Variants in TMEM232 observed in about 807,000 individuals in gnomAD.
TMEM232 encodes transmembrane protein 232.
In TMEM232, 80 loss-of-function variants were observed where a neutral mutation model predicts 78.8. That is an observed-to-expected ratio of 1.01 (90% confidence interval 0.85 to 1.22). The LOEUF (loss-of-function observed/expected upper bound fraction) is 1.22, where lower values mean the gene tolerates loss of function less well. Among genes scored for constraint, TMEM232 ranks in the 50% most tolerant of loss-of-function variants. The probability of loss-of-function intolerance (pLI) is 0.00; values close to 1 mark genes in which losing one functional copy is unlikely to be tolerated. For missense variants in TMEM232, 881 were observed against 742.2 expected, an observed-to-expected ratio of 1.19 and a Z score of -2.17; for synonymous variants, 297 against 254.3, an observed-to-expected ratio of 1.17 and a Z score of -1.60.
chr5:110,580,284 A>G (rs1015760267), intron 10 of TMEM232, among the ~76,000 whole-genome samples: 3 of 151,712 alleles, frequency 2.0e-5, no homozygotes, highest in African/African-American at 7.2e-5. Flanking sequence ...TAGCTGTTGT[A>G]ATGTTGTAGT....
chr5:110,508,059 A>G (rs149975192), intron 12 of TMEM232, among the ~76,000 whole-genome samples: 186 of 152,240 alleles, frequency 1.2e-3, no homozygotes, highest in African/African-American at 4.2e-3. Context: ...GTTTAGTAAA[A>G]TTTCCACGCT....
chr5:110,602,915 G>C (rs1033348836), intron 10 of TMEM232, among the ~76,000 whole-genome samples: 8 of 152,136 alleles, frequency 5.3e-5, no homozygotes, highest in Non-Finnish European at 1.0e-4. Flanking sequence ...TAATTGACTG[G>C]ATAAAGAAAA....
intron 11 of TMEM232, among the ~76,000 whole-genome samples, chr5:110,559,423 A>C (rs747129978): frequency 6.6e-6 from 1 of 152,174 alleles, no homozygotes; most frequent in African/African-American, 2.4e-5. Context: ...AGTAGAAGAA[A>C]ATATTTTAAA....
chr5:110,490,127 AAG>A (rs774797740), intron 12 of TMEM232, among the ~76,000 whole-genome samples: 139 of 72,118 alleles, frequency 1.9e-3, no homozygotes, highest in Middle Eastern at 6.3e-3. Flanking sequence ...TTCAAAAAGA[AAG>A]AAAGAAAGAA....
upstream of TMEM232, chr5:110,738,755 T>C: frequency 3.3e-6 from 1 of 301,456 alleles, no homozygotes; most frequent in Non-Finnish European, 6.1e-6. Context: ...ATCGGCTCCC[T>C]CCAAGAAGCA....
intron 10 of TMEM232, among the ~76,000 whole-genome samples, chr5:110,576,537 A>C (rs1649679389): frequency 3.3e-5 from 5 of 152,002 alleles, no homozygotes; most frequent in Admixed American, 6.6e-5. Context: ...AATACTGAAA[A>C]TCTATATGGA....
chr5:110,662,617 T>C (rs1308584591), intron 2 of TMEM232, among the ~76,000 whole-genome samples: 1 of 152,118 alleles, frequency 6.6e-6, no homozygotes, highest in Non-Finnish European at 1.5e-5. Flanking sequence ...TAAGGCAGTG[T>C]GGCGTTGGTG....
exon 5 of TMEM232, chr5:110,387,818 A>G (rs1297197987): frequency 1.3e-5 from 2 of 152,070 alleles, no homozygotes; most frequent in African/African-American, 4.8e-5. Context: ...TGTCCTTTTC[A>G]CGTTCTTTGT....
At chr5:110,655,822 T>C (rs963525270) in intron 2 of TMEM232, among the ~76,000 whole-genome samples, 3 of 147,052 alleles carry the variant, frequency 2.0e-5, no homozygotes, top group Admixed American at 7.0e-5. Context: ...AACCAAACAC[T>C]GCATGTTCTC....
At chr5:110,488,575 G>A (rs1393326526) in intron 12 of TMEM232, among the ~76,000 whole-genome samples, 1 of 151,950 alleles carries the variant, frequency 6.6e-6, no homozygotes, top group Non-Finnish European at 1.5e-5. Flanking sequence ...GTTTTTATTT[G>A]CTAACCCTTG....
intron 1 of TMEM232, among the ~76,000 whole-genome samples, chr5:110,691,988 T>A (rs1425427118): frequency 1.3e-5 from 2 of 152,134 alleles, no homozygotes; most frequent in Non-Finnish European, 2.9e-5. Flanking sequence ...TGGCGTGATC[T>A]CGGCTCACTG....
intron 12 of TMEM232, among the ~76,000 whole-genome samples, chr5:110,445,688 C>T (rs187566950): frequency 1.9e-3 from 286 of 152,264 alleles, no homozygotes; most frequent in Non-Finnish European, 3.0e-3. Flanking sequence ...TCAGAGGCTT[C>T]GGACACATCA....
At chr5:110,475,858 C>G (rs188064968) in intron 12 of TMEM232, among the ~76,000 whole-genome samples, 8 of 152,056 alleles carry the variant, frequency 5.3e-5, no homozygotes, top group Non-Finnish European at 1.2e-4. Flanking sequence ...GAGGTTCACA[C>G]AGGGCCGGAA....
At chr5:110,547,433 C>T (rs1014648226) in intron 11 of TMEM232, among the ~76,000 whole-genome samples, 5 of 152,088 alleles carry the variant, frequency 3.3e-5, no homozygotes, top group African/African-American at 1.2e-4. Context: ...TCACTTTAGC[C>T]TTTTGAATAA....
chr5:110,447,823 T>C (rs1370495553), intron 12 of TMEM232, among the ~76,000 whole-genome samples: 1 of 152,028 alleles, frequency 6.6e-6, no homozygotes. Context: ...AAATCAGTGA[T>C]ATGGATTGCC....
intron 12 of TMEM232, among the ~76,000 whole-genome samples, chr5:110,433,305 A>G (rs1029525768): frequency 1.3e-5 from 2 of 151,824 alleles, no homozygotes; most frequent in African/African-American, 2.4e-5. Context: ...GAATAAAAAT[A>G]TAAGTCAATA....
intron 12 of TMEM232, among the ~76,000 whole-genome samples, chr5:110,448,020 A>G (rs1169464293): frequency 1.3e-5 from 2 of 152,118 alleles, no homozygotes; most frequent in African/African-American, 4.8e-5. Context: ...TGACTTGAAT[A>G]TGTATATTGA....
intron 12 of TMEM232, among the ~76,000 whole-genome samples, chr5:110,463,824 A>G (rs1761793066): frequency 6.6e-6 from 1 of 152,120 alleles, no homozygotes; most frequent in East Asian, 1.9e-4. Flanking sequence ...CACCTGCCCT[A>G]CATAAGACCA....
At chr5:110,633,068 T>C (rs571567810) in intron 5 of TMEM232, among the ~76,000 whole-genome samples, 3 of 152,142 alleles carry the variant, frequency 2.0e-5, no homozygotes, top group East Asian at 3.9e-4. Context: ...AATGGAATGA[T>C]ATATTCAAAT....
Sources: gnomAD v4.1 joint callset for allele counts (sites outside exome capture counted in the v4.1 genomes callset) on GRCh38, gnomAD v4.1.1 for gene constraint, MANE v1.5 for transcripts, NCBI Gene and HGNC (gene_info 2026-07-23, HGNC 2026-07-21) for gene names.